PSMG1: variants seen among roughly 807,000 people sequenced by gnomAD.
The protein encoded by PSMG1 is proteasome assembly chaperone 1, also known as Down syndrome critical region gene 2.
Under a neutral mutation model 37.2 loss-of-function variants are expected in PSMG1, and 23 were observed. That is an observed-to-expected ratio of 0.62 (90% CI 0.44 to 0.88). The LOEUF is 0.88. Among genes scored for constraint, PSMG1 ranks in the 40% least tolerant of loss-of-function variants. PSMG1 has a pLI of 0.00. For missense variants in PSMG1, 340 were observed against 344.2 expected (o/e 0.99, Z 0.10); for synonymous variants, 127 against 128.0 (o/e 0.99, Z 0.05).
chr21:39,180,925 C>A (rs775829203), intron 2 of PSMG1, among the ~76,000 whole-genome samples: 1 of 152,182 alleles, frequency 6.6e-6, no homozygotes, highest in South Asian at 2.1e-4. Context: ...GCACTCTACA[C>A]TGTTTTTACT....
Position 39,179,994 on chromosome 21 carries a change from G to A in PSMG1, c.394-8C>T, listed in dbSNP as rs900548010. 8.1e-6 allele frequency: 13 copies of A among 1,608,894 alleles called. No homozygotes were observed. The highest frequency in any genetic ancestry group is 1.7e-5 in the Admixed American group (1 of 59,568). On this transcript the variant is annotated splice_region_variant and splice_polypyrimidine_tract_variant and intron_variant, in intron 3 of 6. Coordinates refer to ENST00000331573, the MANE Select transcript of PSMG1 (RefSeq NM_003720.4). Reference sequence around the variant, plus strand: ...GCACTGACAGAGAAAAACCTGAAAAGTCAAGTTCCACGCTTTTTGTCAAGT... The same window carrying A: ...GCACTGACAGAGAAAAACCTGAAAAATCAAGTTCCACGCTTTTTGTCAAGT...
At chr21:39,177,816 G>A (rs1045012043) in intron 5 of PSMG1, among the ~76,000 whole-genome samples, 6 of 152,050 alleles carry the variant, frequency 3.9e-5, no homozygotes, top group Non-Finnish European at 8.8e-5. Context: ...CAGCTGAGAT[G>A]ATTTAAGTAG....
At position 39,175,591 on chromosome 21, in the gene PSMG1, C is replaced by T; in HGVS notation, c.866G>A (p.Ter289=). The T allele has an allele frequency of 6.3e-7, 1 of 1,587,964 alleles. No homozygotes were observed. The highest frequency in any genetic ancestry group is 1.3e-5 in the African/African-American group (1 of 74,370). The change falls in exon 7 of 7, where the codon TGA becomes TAA. Residue 289 remains the stop codon, a stop_retained_variant. Coordinates refer to ENST00000331573, the MANE Select transcript of PSMG1 (RefSeq NM_003720.4). Reference sequence around the variant, plus strand: ...TACACTACAAAACAATGTTTAAGATCATGTATAAATGTTACTCTGAATCTC... The same window carrying T: ...TACACTACAAAACAATGTTTAAGATTATGTATAAATGTTACTCTGAATCTC... ...TNEIQSNIYT[*]
At chr21:39,177,595 A>T in intron 5 of PSMG1, 24 bp from the exon 6 acceptor site, 3 of 1,487,198 alleles carry the variant, frequency 2.0e-6, no homozygotes, top group Non-Finnish European at 2.7e-6. Context: ...AGAAAAAAAA[A>T]CGATGTAAGT....
chr21:39,178,909 A>C, intron 4 of PSMG1: 3 of 420,784 alleles, frequency 7.1e-6, no homozygotes, highest in Non-Finnish European at 1.3e-5. Context: ...TCCCCTCCAA[A>C]TCTCATGTTA....
intron 5 of PSMG1, 52 bp downstream of exon 5, chr21:39,178,397 G>T: frequency 3.3e-6 from 5 of 1,505,966 alleles, no homozygotes; most frequent in South Asian, 2.3e-5. Flanking sequence ...GTGAAAAGTA[G>T]TATCAATAAA....
chr21:39,177,406 C>G, intron 6 of PSMG1, 29 bp downstream of exon 6: 1 of 1,534,988 alleles, frequency 6.5e-7, no homozygotes, highest in South Asian at 1.3e-5. Context: ...AACAATGCAG[C>G]TATTAATTTA....
chr21:39,178,449 C>A lies in PSMG1; in HGVS notation c.655G>T (p.Val219Phe), dbSNP rs1180203920. Residue 219 changes from valine (V) to phenylalanine (F), a missense_variant and splice_region_variant, in exon 5 of 7, where the codon GTT becomes TTT. Transcript: ENST00000331573. ...PNIVHDLPAA[V>F]LSYCQVWKIP... is the part of the protein sequence containing the mutation. ...TAAATGTTACAAATTTTAATACCAC[C>A]TGCTGCAGGAAGGTCGTGTACTATA... 1 of 1,608,178 alleles carries A rather than the reference C, an allele frequency of 6.2e-7. No homozygotes were observed. Among genetic ancestry groups the A allele is most frequent in the Non-Finnish European group, 8.5e-7 (1 of 1,174,788 alleles).
chr21:39,176,994 A>G (rs2030647704), intron 6 of PSMG1, among the ~76,000 whole-genome samples: 1 of 152,248 alleles, frequency 6.6e-6, no homozygotes, highest in Non-Finnish European at 1.5e-5. Flanking sequence ...AACCAAGGGT[A>G]AGGAAGAGGT....
chr21:39,175,610 G>C lies in PSMG1; in HGVS notation c.847C>G (p.Gln283Glu). 2 of 1,594,762 alleles carry C rather than the reference G, an allele frequency of 1.3e-6. No individual in the cohort carries two copies. Among genetic ancestry groups the C allele is most frequent in the Non-Finnish European group, 8.6e-7 (1 of 1,162,694 alleles). The change falls in exon 7 of 7, where the codon CAG becomes GAG. Residue 283 changes from glutamine (Q) to glutamate (E), a missense_variant. Transcript: ENST00000331573. Reference sequence around the variant, plus strand: ...TAAGATCATGTATAAATGTTACTCTGAATCTCATTTGTTGTCATCAATTTC... The same window carrying C: ...TAAGATCATGTATAAATGTTACTCTCAATCTCATTTGTTGTCATCAATTTC... ...LKKLMTTNEI[Q>E]SNIYT
intron 5 of PSMG1, 36 bp downstream of exon 5, chr21:39,178,413 A>C: frequency 6.4e-7 from 1 of 1,555,724 alleles, no homozygotes; most frequent in South Asian, 1.1e-5. Flanking sequence ...ATAAAGCAAT[A>C]AGATAGAATG....
At chr21:39,176,703 T>C (rs1484795165) in intron 6 of PSMG1, among the ~76,000 whole-genome samples, 1 of 152,198 alleles carries the variant, frequency 6.6e-6, no homozygotes, top group Non-Finnish European at 1.5e-5. Context: ...GAGCTGACAA[T>C]CTAGTAACAA....
intron 6 of PSMG1, among the ~76,000 whole-genome samples, chr21:39,175,912 G>A (rs963372398): frequency 6.6e-6 from 1 of 152,054 alleles, no homozygotes; most frequent in Non-Finnish European, 1.5e-5. Context: ...GGAAGTCTAT[G>A]CTCTAACCCG....
rs200021987 is a variant in PSMG1, at chr21:39,180,436, G to C, written c.242C>G (p.Ala81Gly). The part of the protein sequence containing the change: ...FIIAIGNNAV[A>G]FLSSFVMNSG... ...ATTCATAACAAATGATGACAGAAATGCTGTAAAAAACAATTCACATAAGTT... is the reference window on the plus strand; with the variant it reads ...ATTCATAACAAATGATGACAGAAATCCTGTAAAAAACAATTCACATAAGTT... Residue 81 changes from alanine (A) to glycine (G), a missense_variant and splice_region_variant, in exon 3 of 7, where the codon GCA becomes GGA. Physicochemically the swap from Ala to Gly is moderately conservative, Grantham distance 60 (BLOSUM62 0). Coordinates refer to ENST00000331573, the MANE Select transcript of PSMG1 (RefSeq NM_003720.4). 370 of 1,582,084 alleles carry C rather than the reference G, an allele frequency of 2.3e-4. No homozygotes were observed. Among genetic ancestry groups the C allele is most frequent in the Non-Finnish European group, 2.9e-4 (343 of 1,165,616 alleles).
At chr21:39,181,507 G>A (rs1013352853) in intron 2 of PSMG1, among the ~76,000 whole-genome samples, 2 of 151,540 alleles carry the variant, frequency 1.3e-5, no homozygotes. Context: ...TGTAATCCCA[G>A]CTCTTTGGGA....
In PSMG1 at chr21:39,178,595, C is replaced by T. The variant is rs372682958; in HGVS notation, c.509G>A (p.Arg170Gln). ...TGAGGTTTTATAATCGGTAACATGT[C>T]GACATGTGAGAATAGTTATCTGCAT... ...KNMQITILTC[R>Q]HVTDYKTSES... Residue 170 changes from arginine to glutamine, a missense_variant, in exon 5 of 7, where the codon CGA becomes CAA. By Grantham distance (43) the Arg-to-Gln change is conservative. Transcript: ENST00000331573. 31 of 1,613,834 alleles carry T rather than the reference C, an allele frequency of 1.9e-5. No homozygotes were observed. The highest frequency in any genetic ancestry group is 8.9e-5 in the East Asian group (4 of 44,876).
chr21:39,181,947 T>C, intron 1 of PSMG1, 69 bp from the exon 2 acceptor site: 8 of 951,484 alleles, frequency 8.4e-6, no homozygotes, highest in South Asian at 3.9e-5. Flanking sequence ...AAGGGCACTA[T>C]ATGTATGATT....
chr21:39,176,925 C>T (rs1417446870), intron 6 of PSMG1, among the ~76,000 whole-genome samples: 1 of 152,182 alleles, frequency 6.6e-6, no homozygotes, highest in Non-Finnish European at 1.5e-5. Flanking sequence ...CCTGAGATTA[C>T]AGGCAAACAT....
chr21:39,183,267 TGCAGACGCA>T lies in PSMG1; in HGVS notation c.110_118del (p.Val37_Gln40delinsGlu). On this transcript the variant is annotated inframe_deletion, in exon 1 of 7. Transcript: ENST00000331573. ...GGTGCCTCACCTCTTCCGCGCCAGC[TGCAGACGCA>T]CCTCCCTGTCCTCGGGCGTCTCCCT... The T allele has an allele frequency of 6.3e-7, 1 of 1,585,758 alleles. No homozygotes were observed. Among genetic ancestry groups the T allele is most frequent in the Non-Finnish European group, 8.5e-7 (1 of 1,169,738 alleles).
Sources: gnomAD v4.1 joint callset for allele counts (sites outside exome capture counted in the v4.1 genomes callset) on GRCh38, gnomAD v4.1.1 for gene constraint, MANE v1.5 for transcripts, NCBI Gene and HGNC (gene_info 2026-07-23, HGNC 2026-07-21) for gene names.